The following MUSK variants were observed in gnomAD, a reference collection of about 807,000 sequenced individuals.
MUSK encodes the protein muscle associated receptor tyrosine kinase.
In MUSK, 55 loss-of-function variants were observed where a neutral mutation model predicts 88.7. The observed-to-expected ratio is 0.62, with a 90% CI of 0.50 to 0.78. MUSK has a LOEUF of 0.78. MUSK is among the 30% of genes least tolerant of loss of function. The pLI is 0.00. For synonymous variants in MUSK, 387 were observed against 391.9 expected (o/e 0.99, Z 0.15); for missense variants, 1,015 against 1,074.3 (o/e 0.94, Z 0.77).
intron 5 of MUSK, among the ~76,000 whole-genome samples, chr9:110,724,965 T>C (rs936914779): frequency 6.6e-6 from 1 of 152,036 alleles, no homozygotes; most frequent in South Asian, 2.1e-4. Context: ...CACAAGAGTA[T>C]CAACTCCAAA....
intron 8 of MUSK, among the ~76,000 whole-genome samples, chr9:110,767,034 G>A (rs1308000588): frequency 1.3e-5 from 2 of 152,206 alleles, no homozygotes; most frequent in Non-Finnish European, 2.9e-5. Context: ...TTAATCCTAT[G>A]TTTGTGCTAG....
chr9:110,767,714 C>T (rs1176122286), intron 8 of MUSK, 106 bp from the exon 9 acceptor site: 5 of 1,260,680 alleles, frequency 4.0e-6, no homozygotes, highest in Non-Finnish European at 5.8e-6. Context: ...GTACAATTTT[C>T]TCCTATTTCT....
chr9:110,698,931 G>A (rs565474734), intron 5 of MUSK, among the ~76,000 whole-genome samples: 1 of 152,080 alleles, frequency 6.6e-6, no homozygotes, highest in Admixed American at 6.6e-5. Context: ...TCTGTCTAAG[G>A]AATGATGCAG....
At chr9:110,762,150 T>C in intron 7 of MUSK, 52 bp from the exon 8 acceptor site, 1 of 1,349,936 alleles carries the variant, frequency 7.4e-7, no homozygotes, top group Non-Finnish European at 9.7e-7. Context: ...TAACGTTCTT[T>C]CTTTTCTCCT....
At chr9:110,690,366 A>G (rs562094363) in intron 3 of MUSK, among the ~76,000 whole-genome samples, 1,198 of 104,962 alleles carry the variant, frequency 0.011, 17 homozygotes, top group Admixed American at 0.016. Flanking sequence ...ATAAGTATAT[A>G]CATAAATATA....
intron 14 of MUSK, among the ~76,000 whole-genome samples, chr9:110,791,024 TAAGG>T (rs2077965895): frequency 6.6e-6 from 1 of 152,176 alleles, no homozygotes; most frequent in Admixed American, 6.5e-5. Context: ...TTAAGCTGTT[TAAGG>T]AAGGAAGACA....
chr9:110,745,207 G>C (rs2077159024), intron 6 of MUSK, among the ~76,000 whole-genome samples: 1 of 152,206 alleles, frequency 6.6e-6, no homozygotes, highest in South Asian at 2.1e-4. Flanking sequence ...TCCAGGAGAA[G>C]AGACGTCAGG....
intron 5 of MUSK, among the ~76,000 whole-genome samples, chr9:110,708,126 AT>A (rs1308412740): frequency 6.6e-6 from 1 of 151,566 alleles, no homozygotes; most frequent in African/African-American, 2.4e-5. Flanking sequence ...CTATCTATCT[AT>A]CTATCTATCT....
intron 6 of MUSK, among the ~76,000 whole-genome samples, chr9:110,739,058 T>C (rs1476862748): frequency 6.6e-6 from 1 of 152,126 alleles, no homozygotes; most frequent in African/African-American, 2.4e-5. Flanking sequence ...TTGGACTCTG[T>C]CTTCTTTGTT....
At position 110,800,292 on chromosome 9, in the gene MUSK, T is replaced by A. The variant is rs758186046; in HGVS notation, c.1928-14T>A. The A allele has an allele frequency of 5.7e-6, 9 of 1,589,568 alleles. No homozygotes were observed. The highest frequency in any genetic ancestry group is 8.6e-7 in the Non-Finnish European group (1 of 1,164,660). ...TAGAAACTGAGACTAACAGGGATGGTCTTTTGGTTCCAGGAGTGTGTGCTG... is the reference window on the plus strand; with the variant it reads ...TAGAAACTGAGACTAACAGGGATGGACTTTTGGTTCCAGGAGTGTGTGCTG... On this transcript the variant is annotated splice_polypyrimidine_tract_variant and intron_variant, in intron 14 of 14. Transcript: ENST00000374448.
intron 5 of MUSK, among the ~76,000 whole-genome samples, chr9:110,703,138 A>G (rs1587930273): frequency 6.6e-6 from 1 of 152,212 alleles, no homozygotes; most frequent in Non-Finnish European, 1.5e-5. Flanking sequence ...GTGTTGTCCA[A>G]CATAATATAC....
chr9:110,682,842 A>C, intron 2 of MUSK, 42 bp downstream of exon 2: 2 of 1,447,850 alleles, frequency 1.4e-6, no homozygotes, highest in Non-Finnish European at 1.9e-6. Flanking sequence ...TTTTGTGGGT[A>C]TATAGTAGGT....
chr9:110,687,255 G>C lies in MUSK; in HGVS notation c.345G>C (p.Leu115=). ...GAGCTGTGGAGAGTTGTGGAGCCCTGCAAGTGAAGATGAGTGAGTGGGAAA... is the reference window on the plus strand; with the variant it reads ...GAGCTGTGGAGAGTTGTGGAGCCCTCCAAGTGAAGATGAGTGAGTGGGAAA... ...VGGAVESCGA[L]QVKMKPKITR... Residue 115 remains leucine (L), a synonymous_variant, in exon 3 of 15, where the codon CTG becomes CTC. Transcript: ENST00000374448. 7 of 1,613,752 alleles carry C rather than the reference G, an allele frequency of 4.3e-6. No homozygotes were observed. Among genetic ancestry groups the C allele is most frequent in the Non-Finnish European group, 5.1e-6 (6 of 1,179,756 alleles).
At chr9:110,749,680 G>A (rs923336242) in intron 7 of MUSK, among the ~76,000 whole-genome samples, 1 of 152,206 alleles carries the variant, frequency 6.6e-6, no homozygotes, top group African/African-American at 2.4e-5. Context: ...TCTTCCAGGT[G>A]TCTCAAAAAG....
chr9:110,747,975 C>A, intron 7 of MUSK, 175 bp downstream of exon 7: 1 of 895,136 alleles, frequency 1.1e-6, no homozygotes, highest in Non-Finnish European at 1.8e-6. Flanking sequence ...TGGATTTTGG[C>A]AGATTTGCTG....
Position 110,682,770 on chromosome 9 carries a change from T to A in MUSK, c.176T>A (p.Ile59Asn). The change falls in exon 2 of 15, where the codon ATT (isoleucine) becomes AAT (asparagine). Residue 59 changes from isoleucine (I) to asparagine (N), a missense_variant. Ile to Asn is a moderately radical substitution (Grantham distance 149). Transcript: ENST00000374448. ...CAVESYPQPEISWTRNKILIK... is the reference protein window; with the variant it reads ...CAVESYPQPENSWTRNKILIK... ...GTGGAATCCTACCCCCAGCCTGAGA[T>A]TTCCTGGACTAGAAATAAAATTCTC... 6.2e-7 allele frequency: 1 copy of A among 1,612,490 alleles called. No homozygotes were observed. Among genetic ancestry groups the A allele is most frequent in the Non-Finnish European group, 8.5e-7 (1 of 1,179,036 alleles).
chr9:110,707,520 A>G (rs887069755), intron 5 of MUSK, among the ~76,000 whole-genome samples: 4 of 152,196 alleles, frequency 2.6e-5, no homozygotes, highest in Non-Finnish European at 5.9e-5. Context: ...CCCAAATTAA[A>G]ATAGATGGAT....
intron 7 of MUSK, 118 bp from the exon 8 acceptor site, chr9:110,762,084 C>T (rs773342290): frequency 3.8e-6 from 4 of 1,065,398 alleles, no homozygotes; most frequent in African/African-American, 1.6e-5. Flanking sequence ...TTTTCAGAAA[C>T]TTAGAGATCA....
chr9:110,711,401 G>C (rs1200856036), intron 5 of MUSK, among the ~76,000 whole-genome samples: 1 of 152,162 alleles, frequency 6.6e-6, no homozygotes, highest in Non-Finnish European at 1.5e-5. Flanking sequence ...TGCTGGCAAA[G>C]GTCTCTGAGG....
Sources: gnomAD v4.1 joint callset for allele counts (sites outside exome capture counted in the v4.1 genomes callset) on GRCh38, gnomAD v4.1.1 for gene constraint, MANE v1.5 for transcripts, NCBI Gene and HGNC (gene_info 2026-07-23, HGNC 2026-07-21) for gene names.